Variants in ARHGAP21 observed in about 807,000 individuals in gnomAD.
The protein encoded by ARHGAP21 is Rho GTPase activating protein 21, also known as rho GTPase-activating protein 21.
Under a neutral mutation model 164.6 loss-of-function variants are expected in ARHGAP21, and 38 were observed. That is an observed-to-expected ratio of 0.23 (90% CI 0.18 to 0.30). The LOEUF (loss-of-function observed/expected upper bound fraction) is 0.30. Ranked by LOEUF, ARHGAP21 falls within the 10% of genes least tolerant of loss-of-function variation. ARHGAP21 has a pLI of 1.00. For missense variants in ARHGAP21, 1,822 were observed against 2,370.7 expected, an observed-to-expected ratio of 0.77 and a Z score of 4.81; for synonymous variants, 766 against 857.9, an observed-to-expected ratio of 0.89 and a Z score of 1.87.
intron 4 of ARHGAP21, among the ~76,000 whole-genome samples, chr10:24,650,640 A>G (rs1310241428): frequency 6.6e-6 from 1 of 152,248 alleles, no homozygotes; most frequent in Non-Finnish European, 1.5e-5. Flanking sequence ...AACAATAAAT[A>G]CATAATTAAT....
intron 17 of ARHGAP21, 65 bp from the exon 18 acceptor site, chr10:24,596,108 G>T: frequency 2.2e-6 from 3 of 1,336,824 alleles, no homozygotes; most frequent in Non-Finnish European, 3.0e-6. Flanking sequence ...GTATATCACA[G>T]CTAAAATGCC....
At chr10:24,595,285 A>G in intron 19 of ARHGAP21, 95 bp from the exon 20 acceptor site, 3 of 1,022,592 alleles carry the variant, frequency 2.9e-6, no homozygotes, top group Non-Finnish European at 4.3e-6. Context: ...ACCACAACAT[A>G]GGAAAGAGTT....
chr10:24,607,680 T>C, intron 10 of ARHGAP21, 65 bp downstream of exon 10: 1 of 1,610,080 alleles, frequency 6.2e-7, no homozygotes, highest in Non-Finnish European at 8.5e-7. Flanking sequence ...CATCAGTTTA[T>C]CATACTATTC....
At chr10:24,660,972 C>T (rs1228741194) in intron 4 of ARHGAP21, among the ~76,000 whole-genome samples, 2 of 152,114 alleles carry the variant, frequency 1.3e-5, no homozygotes, top group Non-Finnish European at 2.9e-5. Flanking sequence ...CTTTGGATGG[C>T]ATCCCGAGAC....
At chr10:24,704,567 C>T (rs1338777305) in intron 2 of ARHGAP21, among the ~76,000 whole-genome samples, 5 of 151,678 alleles carry the variant, frequency 3.3e-5, no homozygotes, top group Non-Finnish European at 1.5e-5. Context: ...CAGGTTCAAG[C>T]GATTCTCATG....
rs972596214 is a variant in ARHGAP21 at position 24,610,250 on chromosome 10, G to GC, written c.2423-2348dup. Among the ~76,000 whole-genome samples, 4 of 152,050 alleles carry GC rather than the reference G, an allele frequency of 2.6e-5. No homozygotes were observed. In the South Asian group the frequency reaches 8.3e-4, roughly 32 times the overall value. On this transcript the variant is annotated intron_variant, in intron 9 of 25. Transcript: ENST00000396432. The stretch of plus-strand genomic sequence containing the variant: ...AAATTAGCTGGGCATGGTGGTGCGC[G>GC]CCTGTAGTCCCAGCTACTCGGGAAG...
chr10:24,703,836 GA>G (rs1023672001), intron 2 of ARHGAP21, among the ~76,000 whole-genome samples: 15 of 152,108 alleles, frequency 9.9e-5, no homozygotes, highest in African/African-American at 3.6e-4. Flanking sequence ...CTTCAACGGT[GA>G]AACTCAAAGA....
intron 2 of ARHGAP21, among the ~76,000 whole-genome samples, chr10:24,684,581 A>G (rs1842050396): frequency 6.6e-6 from 1 of 152,250 alleles, no homozygotes; most frequent in African/African-American, 2.4e-5. Flanking sequence ...GGAGTTTATC[A>G]GTTTGACTGT....
At chr10:24,597,137 C>T (rs1421457811) in intron 16 of ARHGAP21, among the ~76,000 whole-genome samples, 1 of 150,580 alleles carries the variant, frequency 6.6e-6, no homozygotes, top group East Asian at 1.9e-4. Flanking sequence ...TATAGTGAGA[C>T]TTCAACAAAG....
At chr10:24,625,795 A>C (rs1249770382) in intron 7 of ARHGAP21, among the ~76,000 whole-genome samples, 1 of 152,206 alleles carries the variant, frequency 6.6e-6, no homozygotes, top group African/African-American at 2.4e-5. Flanking sequence ...AACTTAGTTT[A>C]AATTACATTT....
At chr10:24,638,532 A>G (rs1836629540) in intron 4 of ARHGAP21, among the ~76,000 whole-genome samples, 1 of 152,198 alleles carries the variant, frequency 6.6e-6, no homozygotes, top group Non-Finnish European at 1.5e-5. Context: ...AATTGTGGTA[A>G]TTCACCAGGA....
chr10:24,642,968 A>G (rs147558610), intron 4 of ARHGAP21, among the ~76,000 whole-genome samples: 5 of 152,322 alleles, frequency 3.3e-5, no homozygotes, highest in Admixed American at 1.3e-4. Flanking sequence ...CAGCTTGGAG[A>G]GTTGTTTCAG....
At chr10:24,601,225 A>G (rs552076127) in intron 13 of ARHGAP21, among the ~76,000 whole-genome samples, 2 of 152,336 alleles carry the variant, frequency 1.3e-5, no homozygotes, top group South Asian at 4.1e-4. Context: ...CATATCAAAA[A>G]CAGTAACGGA....
rs113280302 is a variant in ARHGAP21 at position 24,650,981 on chromosome 10, C to T, written c.269-15878G>A. On this transcript the variant is annotated intron_variant, in intron 4 of 25. Coordinates refer to ENST00000396432, the MANE Select transcript of ARHGAP21 (RefSeq NM_020824.4). ...CTGAGGAGACAAAAAAAAAAAGGAA[C>T]TTCAGGGCCAGCCAAGGAAAAGAGC... 4.3e-3 allele frequency among the ~76,000 whole-genome samples: 645 copies of T among 151,096 alleles called. 2 individuals carry two copies. Among genetic ancestry groups the T allele is most frequent in the South Asian group, 0.012 (55 of 4,782 alleles).
chr10:24,622,776 G>T lies in ARHGAP21; in HGVS notation c.496-14C>A, dbSNP rs1320608310. On this transcript the variant is annotated splice_polypyrimidine_tract_variant and intron_variant, in intron 7 of 25. Coordinates refer to ENST00000396432, the MANE Select transcript of ARHGAP21 (RefSeq NM_020824.4). ...TGTAAACTGTAGCTAGCAGAAAATA[G>T]GAAAACATAGTAGAAGCTGCTTACT... is the stretch of plus-strand genomic sequence containing the variant. 1 of 1,609,364 alleles carries T rather than the reference G, an allele frequency of 6.2e-7. No homozygotes were observed. The highest frequency in any genetic ancestry group is 1.7e-5 in the Admixed American group (1 of 59,050).
Position 24,600,912 on chromosome 10 carries a change from G to A in ARHGAP21, c.2866C>T (p.Arg956Trp), listed in dbSNP as rs140342379. The A allele has an allele frequency of 3.1e-6, 5 of 1,610,420 alleles. No homozygotes were observed. The highest frequency in any genetic ancestry group is 4.2e-6 in the Non-Finnish European group (5 of 1,177,124). The change falls in exon 14 of 26, where the codon CGG becomes TGG. Residue 956 changes from arginine (R) to tryptophan (W), a missense_variant. Arg to Trp is a moderately radical substitution (Grantham distance 101). Coordinates refer to ENST00000396432, the MANE Select transcript of ARHGAP21 (RefSeq NM_020824.4). ...DKGKRVGGSI[R>W]PWKQMYVVLR... ...ACAACATACATCTGTTTCCATGGCC[G>A]AATACTTCCACCAACTCGCTAGAAA...
chr10:24,590,332 T>C (rs2130751995), intron 24 of ARHGAP21: 2 of 1,535,324 alleles, frequency 1.3e-6, no homozygotes, highest in Non-Finnish European at 8.7e-7. Flanking sequence ...CAACTATGTT[T>C]GCATTTACAA....
At chr10:24,657,952 C>T (rs1270395541) in intron 4 of ARHGAP21, among the ~76,000 whole-genome samples, 1 of 138,172 alleles carries the variant, frequency 7.2e-6, no homozygotes, top group African/African-American at 2.8e-5. Flanking sequence ...AAACCAGAGA[C>T]CTTTGTTCAC....
intron 2 of ARHGAP21, among the ~76,000 whole-genome samples, chr10:24,690,222 A>C (rs1842643427): frequency 1.3e-5 from 2 of 152,076 alleles, no homozygotes; most frequent in Non-Finnish European, 2.9e-5. Context: ...TCTATGAAAA[A>C]CCATTGAGAA....
Sources: gnomAD v4.1 joint callset for allele counts (sites outside exome capture counted in the v4.1 genomes callset) on GRCh38, gnomAD v4.1.1 for gene constraint, MANE v1.5 for transcripts, NCBI Gene and HGNC (gene_info 2026-07-23, HGNC 2026-07-21) for gene names.